The following LRRC63 variants were observed in gnomAD, a reference collection of about 807,000 sequenced individuals.
The protein encoded by LRRC63 is leucine-rich repeat-containing protein 63.
A neutral mutation model predicts 49.5 loss-of-function variants in LRRC63; 40 were observed. That is an observed-to-expected ratio of 0.81 (90% CI 0.63 to 1.05). The LOEUF (loss-of-function observed/expected upper bound fraction) is 1.05, where lower values mean the gene tolerates loss of function less well. LRRC63 is among the 50% of genes least tolerant of loss of function. LRRC63 has a pLI of 0.00. For missense variants in LRRC63, 636 were observed against 663.1 expected, an observed-to-expected ratio of 0.96 and a Z score of 0.45; for synonymous variants, 191 against 221.1, an observed-to-expected ratio of 0.86 and a Z score of 1.21.
exon 3 of LRRC63, chr13:46,228,032 C>T (rs2138406473): frequency 6.4e-7 from 1 of 1,551,078 alleles, no homozygotes; most frequent in Non-Finnish European, 8.7e-7. Context: ...CAGTGCCAAG[C>T]CCTCCACCTA....
At chr13:46,217,841 T>C (rs1593998083) in intron 2 of LRRC63, among the ~76,000 whole-genome samples, 1 of 152,212 alleles carries the variant, frequency 6.6e-6, no homozygotes, top group Admixed American at 6.5e-5. Flanking sequence ...GACTTATTTA[T>C]TTCTGCCTGA....
At chr13:46,245,950 C>G (rs1168857882) in intron 5 of LRRC63, among the ~76,000 whole-genome samples, 1 of 152,142 alleles carries the variant, frequency 6.6e-6, no homozygotes, top group Non-Finnish European at 1.5e-5. Flanking sequence ...TGTGTCCTCA[C>G]CAAGTCTCAT....
exon 1 of LRRC63, chr13:46,212,209 A>G (rs2046111468): frequency 6.6e-6 from 1 of 152,316 alleles, no homozygotes; most frequent in South Asian, 2.1e-4. Context: ...CGTGTGGAAC[A>G]TATGACCAGG....
exon 10 of LRRC63, chr13:46,276,820 A>ATGTGTG (rs72350100): frequency 4.9e-6 from 1 of 203,672 alleles, no homozygotes; most frequent in African/African-American, 3.0e-5. Context: ...GATTTATCGT[A>ATGTGTG]TGTGTGTGTA....
intron 1 of LRRC63, among the ~76,000 whole-genome samples, chr13:46,212,492 T>C (rs1371702977): frequency 2.6e-5 from 4 of 152,204 alleles, no homozygotes; most frequent in Non-Finnish European, 4.4e-5. Context: ...AGCATAGTGG[T>C]TGAAAAACAA....
chr13:46,228,942 T>C (rs1222640505), intron 4 of LRRC63, among the ~76,000 whole-genome samples: 1 of 152,146 alleles, frequency 6.6e-6, no homozygotes, highest in Non-Finnish European at 1.5e-5. Flanking sequence ...ATTGAGAATA[T>C]AAAAGCTGAT....
At chr13:46,248,437 AG>A (rs1474345697) in intron 6 of LRRC63, among the ~76,000 whole-genome samples, 1 of 151,958 alleles carries the variant, frequency 6.6e-6, no homozygotes, top group Non-Finnish European at 1.5e-5. Context: ...AAGAGGTTGA[AG>A]CCAAAAGCAT....
At chr13:46,261,677 C>A (rs998165471) in intron 7 of LRRC63, among the ~76,000 whole-genome samples, 1 of 152,128 alleles carries the variant, frequency 6.6e-6, no homozygotes, top group African/African-American at 2.4e-5. Flanking sequence ...GAAAATTTTT[C>A]TAAATAGGGC....
At chr13:46,276,185 A>G (rs1035336354) in intron 9 of LRRC63, among the ~76,000 whole-genome samples, 17 of 151,532 alleles carry the variant, frequency 1.1e-4, no homozygotes, top group African/African-American at 4.2e-4. Flanking sequence ...TTATGATAGT[A>G]CCTTTATTTT....
intron 2 of LRRC63, among the ~76,000 whole-genome samples, chr13:46,224,681 G>A (rs2046516562): frequency 6.6e-6 from 1 of 152,152 alleles, no homozygotes; most frequent in South Asian, 2.1e-4. Context: ...TGTATCTGGT[G>A]TAACAGTTGC....
At chr13:46,256,123 C>T (rs79311707) in intron 7 of LRRC63, among the ~76,000 whole-genome samples, 6 of 152,102 alleles carry the variant, frequency 3.9e-5, no homozygotes, top group Admixed American at 6.6e-5. Flanking sequence ...TAACTAGGAA[C>T]GAAATTTGTG....
chr13:46,219,455 T>G (rs954912712), intron 2 of LRRC63, among the ~76,000 whole-genome samples: 1 of 152,260 alleles, frequency 6.6e-6, no homozygotes, highest in African/African-American at 2.4e-5. Flanking sequence ...CTCCATCAGT[T>G]CATTTAGCTT....
At position 46,218,596 on chromosome 13, in the gene LRRC63, T is replaced by C. The variant is rs528076205; in HGVS notation, c.85+5477T>C. Among the ~76,000 whole-genome samples the C allele has an allele frequency of 3.9e-5, 6 of 152,324 alleles. No individual in the cohort carries two copies. The South Asian group carries it at 6.2e-4, about 16-fold the overall frequency. On this transcript the variant is annotated intron_variant, in intron 2 of 9. Transcript: ENST00000595396. ...TGTTTTAATAGGGGCATTTAGCCTA[T>C]TTACATTTAAGGTTAATATCGTTAT...
At chr13:46,241,862 C>G (rs2047073079) in intron 5 of LRRC63, among the ~76,000 whole-genome samples, 1 of 152,086 alleles carries the variant, frequency 6.6e-6, no homozygotes, top group African/African-American at 2.4e-5. Context: ...CATTTATACA[C>G]TCTTGGTGGG....
In LRRC63 at chr13:46,246,763, T is replaced by G. The variant is rs938733381; in HGVS notation, c.1089+138T>G. 56 of 402,142 alleles carry G rather than the reference T, an allele frequency of 1.4e-4. No homozygotes were observed. The East Asian group carries it at 2.1e-3, about 15-fold the overall frequency. 24.9% of individuals were successfully genotyped at this position (402,142 alleles called of 1,614,324 possible). On this transcript the variant is annotated intron_variant, in intron 6 of 9. Transcript: ENST00000595396. ...TTTGGATTGCATCTTTTGAATGGCTTATTTTCAGAAGCACAAAATGTACAG... is the reference window on the plus strand; with the variant it reads ...TTTGGATTGCATCTTTTGAATGGCTGATTTTCAGAAGCACAAAATGTACAG...
rs565247271 is a variant in LRRC63, at chr13:46,243,509, A to G, written c.991-3018A>G. On this transcript the variant is annotated intron_variant, in intron 5 of 9. Transcript: ENST00000595396. ...TGTAAGCCCCAGCTATATGCTGTCTATAAGAAACTCACTTTCTCTATAAAG... is the reference window on the plus strand; with the variant it reads ...TGTAAGCCCCAGCTATATGCTGTCTGTAAGAAACTCACTTTCTCTATAAAG... Among the ~76,000 whole-genome samples the G allele has an allele frequency of 7.2e-5, 11 of 152,354 alleles. No individual in the cohort carries two copies. In the East Asian group the frequency reaches 2.1e-3, roughly 29 times the overall value.
At chr13:46,274,290 T>C (rs113869786) in intron 9 of LRRC63, among the ~76,000 whole-genome samples, 5,859 of 152,254 alleles carry the variant, frequency 0.038, 173 homozygotes, top group Middle Eastern at 0.071. Context: ...CAAAGATGAC[T>C]GTGACATTAG....
At chr13:46,219,276 A>G (rs1361594353) in intron 2 of LRRC63, among the ~76,000 whole-genome samples, 1 of 151,994 alleles carries the variant, frequency 6.6e-6, no homozygotes, top group Non-Finnish European at 1.5e-5. Flanking sequence ...ATAATGCCAT[A>G]TTTCTTGGAG....
At chr13:46,231,967 C>T (rs1178466626) in intron 4 of LRRC63, among the ~76,000 whole-genome samples, 1 of 152,024 alleles carries the variant, frequency 6.6e-6, no homozygotes, top group East Asian at 1.9e-4. Flanking sequence ...AGGCGCCCGC[C>T]ACCATGCCCA....
Sources: allele counts gnomAD v4.1 joint callset (sites outside exome capture counted in the v4.1 genomes callset), GRCh38; gene constraint gnomAD v4.1.1; transcripts MANE v1.5; gene names NCBI Gene and HGNC (gene_info 2026-07-23, HGNC 2026-07-21).